Variants in TLL1 observed in about 807,000 individuals in gnomAD.
The protein encoded by TLL1 is tolloid like 1.
A neutral mutation model predicts 128.2 loss-of-function variants in TLL1; 49 were observed. The observed-to-expected ratio is 0.38, with a 90% CI of 0.30 to 0.48. TLL1 has a LOEUF of 0.48. Among genes scored for constraint, TLL1 ranks in the 20% least tolerant of loss-of-function variants. The pLI, the probability that TLL1 is intolerant of heterozygous loss-of-function variation, is 0.96. For synonymous variants in TLL1, 454 were observed against 418.8 expected (o/e 1.08, Z -1.03); for missense variants, 1,123 against 1,242.0 (o/e 0.90, Z 1.44).
At chr4:166,052,982 T>TATATATATATATATA (rs1553965120) in intron 12 of TLL1, among the ~76,000 whole-genome samples, 3 of 145,360 alleles carry the variant, frequency 2.1e-5, no homozygotes, top group African/African-American at 5.1e-5. Context: ...TATATATATA[T>TATATATATATATATA]TTGGCCAAAT....
At chr4:166,098,500 A>T (rs907430278) in intron 19 of TLL1, among the ~76,000 whole-genome samples, 1 of 152,206 alleles carries the variant, frequency 6.6e-6, no homozygotes, top group East Asian at 1.9e-4. Context: ...ACTCAAAAAT[A>T]ACTGGTATAG....
chr4:166,036,609 A>G (rs973331723), intron 9 of TLL1, among the ~76,000 whole-genome samples: 3 of 152,166 alleles, frequency 2.0e-5, no homozygotes, highest in African/African-American at 7.2e-5. Flanking sequence ...TTATGTCTAT[A>G]ATCAGAGCCC....
chr4:166,058,359 C>T (rs529436393), intron 14 of TLL1, among the ~76,000 whole-genome samples: 1 of 152,118 alleles, frequency 6.6e-6, no homozygotes, highest in South Asian at 2.1e-4. Flanking sequence ...ATGAGAAGTC[C>T]TGAGTTAGAA....
chr4:165,911,198 G>A (rs968220981), intron 1 of TLL1, among the ~76,000 whole-genome samples: 3 of 152,066 alleles, frequency 2.0e-5, no homozygotes, highest in Non-Finnish European at 2.9e-5. Flanking sequence ...TCACACCCAC[G>A]TTCTTCCCAG....
chr4:166,031,363 CTTTTTTTTTTTTT>C (rs35799879), intron 9 of TLL1, among the ~76,000 whole-genome samples: 1 of 102,274 alleles, frequency 9.8e-6, no homozygotes. Context: ...ATTGCAAGGT[CTTTTTTTTTTTTT>C]TTTTTTTTTT....
chr4:165,896,421 G>A (rs1361327708), intron 1 of TLL1, among the ~76,000 whole-genome samples: 1 of 150,192 alleles, frequency 6.7e-6, no homozygotes, highest in African/African-American at 2.4e-5. Flanking sequence ...ATAGTAGAAT[G>A]ATTTATAATC....
intron 6 of TLL1, among the ~76,000 whole-genome samples, chr4:166,004,729 C>T (rs1271876075): frequency 2.0e-5 from 3 of 151,938 alleles, no homozygotes. Context: ...TTTTATGTGA[C>T]CATTATGGTT....
At chr4:166,022,108 C>T (rs572173572) in intron 8 of TLL1, among the ~76,000 whole-genome samples, 1 of 151,788 alleles carries the variant, frequency 6.6e-6, no homozygotes, top group Non-Finnish European at 1.5e-5. Flanking sequence ...TTTAAATTTA[C>T]CAACTACTAA....
intron 1 of TLL1, among the ~76,000 whole-genome samples, chr4:165,926,178 A>G (rs926620333): frequency 6.6e-6 from 1 of 152,198 alleles, no homozygotes; most frequent in Non-Finnish European, 1.5e-5. Flanking sequence ...AAGCAATTTG[A>G]TTTAAATGAA....
rs534160302 is a variant in TLL1, at chr4:165,957,731, C to T, written c.170-31650C>T. Among the ~76,000 whole-genome samples the T allele has an allele frequency of 3.3e-4, 49 of 148,656 alleles. No individual in the cohort carries two copies. In the East Asian group the frequency reaches 9.3e-3, roughly 28 times the overall value. On this transcript the variant is annotated intron_variant, in intron 1 of 20. Transcript: ENST00000061240. ...TTTTTTTTTTTAAATTATTATTATA[C>T]TTTAAGTTTTAGGGTACATGTGCAC...
At chr4:166,053,732 C>T (rs1038687546) in intron 12 of TLL1, among the ~76,000 whole-genome samples, 4 of 152,162 alleles carry the variant, frequency 2.6e-5, no homozygotes, top group Admixed American at 2.0e-4. Context: ...TGACATTCTA[C>T]GTATTCCTTA....
intron 1 of TLL1, among the ~76,000 whole-genome samples, chr4:165,948,770 A>T (rs576986782): frequency 6.6e-6 from 1 of 152,190 alleles, no homozygotes; most frequent in East Asian, 1.9e-4. Context: ...TTAAATTTCA[A>T]TAAGGGTTTT....
intron 1 of TLL1, among the ~76,000 whole-genome samples, chr4:165,921,333 G>A (rs1276541396): frequency 6.6e-6 from 1 of 152,144 alleles, no homozygotes; most frequent in African/African-American, 2.4e-5. Context: ...TTTGGTTAAA[G>A]CAAGAAACAA....
intron 5 of TLL1, among the ~76,000 whole-genome samples, chr4:165,997,838 T>C (rs1736952539): frequency 6.6e-6 from 1 of 152,256 alleles, no homozygotes; most frequent in African/African-American, 2.4e-5. Context: ...TTTGTATATA[T>C]AGGCACATGC....
At chr4:166,090,054 A>C (rs1013972952) in intron 18 of TLL1, among the ~76,000 whole-genome samples, 3 of 152,092 alleles carry the variant, frequency 2.0e-5, no homozygotes, top group African/African-American at 7.2e-5. Context: ...CATTATGATC[A>C]CTTCAGTAAA....
At chr4:166,001,682 C>T (rs530623099) in intron 5 of TLL1, among the ~76,000 whole-genome samples, 1 of 151,764 alleles carries the variant, frequency 6.6e-6, no homozygotes, top group East Asian at 1.9e-4. Flanking sequence ...GAATGTAATC[C>T]CCGCTACTCT....
At chr4:165,942,431 T>C (rs1025800043) in intron 1 of TLL1, among the ~76,000 whole-genome samples, 3 of 152,000 alleles carry the variant, frequency 2.0e-5, no homozygotes, top group Non-Finnish European at 2.9e-5. Flanking sequence ...TTTTATCTTT[T>C]CATTTTGCAT....
chr4:166,031,615 G>A (rs1424923949), intron 9 of TLL1, among the ~76,000 whole-genome samples: 1 of 151,898 alleles, frequency 6.6e-6, no homozygotes, highest in African/African-American at 2.4e-5. Context: ...TGATCTACCT[G>A]CCTCAGCCTC....
At chr4:165,935,532 A>G in intron 1 of TLL1, among the ~76,000 whole-genome samples, 1 of 152,248 alleles carries the variant, frequency 6.6e-6, no homozygotes, top group Non-Finnish European at 1.5e-5. Flanking sequence ...TACAAGCTGA[A>G]TACCCATGTA....
Sources: gnomAD v4.1 joint callset for allele counts (sites outside exome capture counted in the v4.1 genomes callset) on GRCh38, gnomAD v4.1.1 for gene constraint, MANE v1.5 for transcripts, NCBI Gene and HGNC (gene_info 2026-07-23, HGNC 2026-07-21) for gene names.